Variants in MBD5 observed in about 807,000 individuals in gnomAD.
The protein encoded by MBD5 is methyl-CpG-binding domain protein 5.
A neutral mutation model predicts 117.3 loss-of-function variants in MBD5; 13 were observed. That is an observed-to-expected ratio of 0.11 (90% CI 0.07 to 0.18). The LOEUF is 0.18. MBD5 is among the 10% of genes least tolerant of loss of function. The pLI is 1.00. For missense variants in MBD5, 1,879 were observed against 2,093.8 expected (o/e 0.90, Z 2.00); for synonymous variants, 727 against 766.4 (o/e 0.95, Z 0.85).
intron 1 of MBD5, among the ~76,000 whole-genome samples, chr2:148,033,498 C>T (rs1036388942): frequency 3.3e-5 from 5 of 151,996 alleles, no homozygotes; most frequent in Admixed American, 3.3e-4. Context: ...AAGTTTTAAG[C>T]CTCTTTGGAC....
chr2:148,439,739 T>A (rs985561527), intron 4 of MBD5, among the ~76,000 whole-genome samples: 2 of 138,378 alleles, frequency 1.4e-5, no homozygotes, highest in Non-Finnish European at 3.1e-5. Flanking sequence ...TTCTCTCTCT[T>A]TTTTTTTTTT....
chr2:148,023,405 A>G (rs1488483435), intron 1 of MBD5, among the ~76,000 whole-genome samples: 1 of 152,222 alleles, frequency 6.6e-6, no homozygotes, highest in Non-Finnish European at 1.5e-5. Flanking sequence ...AAAAGTAGAC[A>G]TTTACATACC....
intron 4 of MBD5, among the ~76,000 whole-genome samples, chr2:148,407,199 A>G (rs1243687370): frequency 6.6e-6 from 1 of 152,242 alleles, no homozygotes. Flanking sequence ...GATGAAAAAG[A>G]TGAACATAAA....
At chr2:148,394,821 C>T (rs1312374791) in intron 4 of MBD5, among the ~76,000 whole-genome samples, 1 of 151,946 alleles carries the variant, frequency 6.6e-6, no homozygotes, top group East Asian at 1.9e-4. Flanking sequence ...TTAATTTTAA[C>T]CCATTTTGTT....
chr2:148,432,491 A>G (rs1706020456), intron 4 of MBD5, among the ~76,000 whole-genome samples: 1 of 152,086 alleles, frequency 6.6e-6, no homozygotes, highest in Non-Finnish European at 1.5e-5. Flanking sequence ...CAGGGATTTT[A>G]TAGTTTTAGG....
intron 4 of MBD5, among the ~76,000 whole-genome samples, chr2:148,411,258 A>G (rs1278082259): frequency 1.3e-5 from 2 of 152,088 alleles, no homozygotes; most frequent in Admixed American, 6.6e-5. Context: ...CCAGTCTACT[A>G]TTGATGGGTA....
chr2:148,066,272 C>T (rs977412976), intron 1 of MBD5, among the ~76,000 whole-genome samples: 1 of 152,220 alleles, frequency 6.6e-6, no homozygotes, highest in African/African-American at 2.4e-5. Context: ...CACCACTACA[C>T]TCCAAATCCA....
intron 4 of MBD5, among the ~76,000 whole-genome samples, chr2:148,424,776 GA>G (rs1454408337): frequency 6.6e-6 from 1 of 152,172 alleles, no homozygotes; most frequent in Non-Finnish European, 1.5e-5. Flanking sequence ...ACCTGCTCCT[GA>G]ATGAATACTG....
At chr2:148,033,562 G>T (rs1028767407) in intron 1 of MBD5, among the ~76,000 whole-genome samples, 5 of 152,034 alleles carry the variant, frequency 3.3e-5, no homozygotes, top group African/African-American at 1.2e-4. Flanking sequence ...AAAATTCAAG[G>T]AATGCCCAAA....
At chr2:148,400,318 G>T (rs557523916) in intron 4 of MBD5, among the ~76,000 whole-genome samples, 2 of 152,014 alleles carry the variant, frequency 1.3e-5, no homozygotes, top group African/African-American at 4.8e-5. Context: ...TTAAAGCAGG[G>T]TTAGCACCTA....
chr2:148,075,863 G>A (rs1297499959), intron 1 of MBD5, among the ~76,000 whole-genome samples: 2 of 151,982 alleles, frequency 1.3e-5, no homozygotes, highest in Admixed American at 6.5e-5. Context: ...TTCTCAGTAT[G>A]GGCTTAAATA....
intron 3 of MBD5, among the ~76,000 whole-genome samples, chr2:148,336,150 C>T (rs1482666082): frequency 6.6e-6 from 1 of 152,190 alleles, no homozygotes; most frequent in Admixed American, 6.5e-5. Flanking sequence ...ATCCTTCTAA[C>T]ACCCCTAAGA....
intron 1 of MBD5, among the ~76,000 whole-genome samples, chr2:148,151,565 T>C (rs1165692397): frequency 6.6e-6 from 1 of 152,256 alleles, no homozygotes; most frequent in African/African-American, 2.4e-5. Flanking sequence ...TGAATCCATC[T>C]GGTCCTAGAC....
At chr2:148,235,947 C>T (rs147139551) in intron 3 of MBD5, among the ~76,000 whole-genome samples, 106 of 151,968 alleles carry the variant, frequency 7.0e-4, no homozygotes, top group Non-Finnish European at 1.0e-3. Context: ...TACAGGCATG[C>T]GCTATCACAC....
chr2:148,384,288 A>G (rs970551219), intron 4 of MBD5, among the ~76,000 whole-genome samples: 8 of 152,248 alleles, frequency 5.3e-5, no homozygotes, highest in Admixed American at 3.3e-4. Flanking sequence ...TCCATGTGCT[A>G]AAATCACAAG....
At chr2:148,252,501 TC>T (rs1348985864) in intron 3 of MBD5, among the ~76,000 whole-genome samples, 1 of 151,926 alleles carries the variant, frequency 6.6e-6, no homozygotes, top group African/African-American at 2.4e-5. Context: ...AGACTCATAT[TC>T]TAGTTATGAA....
At chr2:148,188,769 A>G (rs1224863342) in intron 2 of MBD5, among the ~76,000 whole-genome samples, 11 of 152,024 alleles carry the variant, frequency 7.2e-5, no homozygotes, top group Admixed American at 5.2e-4. Context: ...ATGGCCGAAT[A>G]GGAACAGCTC....
intron 3 of MBD5, among the ~76,000 whole-genome samples, chr2:148,269,403 G>T (rs535228025): frequency 1.8e-4 from 28 of 151,752 alleles, no homozygotes; most frequent in African/African-American, 6.3e-4. Context: ...TTCAATAGAA[G>T]TATTAAAGGA....
intron 4 of MBD5, among the ~76,000 whole-genome samples, chr2:148,370,786 C>A (rs1272082241): frequency 6.6e-6 from 1 of 152,170 alleles, no homozygotes; most frequent in East Asian, 1.9e-4. Context: ...TCCATGCTGG[C>A]TGATAGCCTA....
Sources: allele counts gnomAD v4.1 joint callset (sites outside exome capture counted in the v4.1 genomes callset), GRCh38; gene constraint gnomAD v4.1.1; transcripts MANE v1.5; gene names NCBI Gene and HGNC (gene_info 2026-07-23, HGNC 2026-07-21).